The following PDCD2 variants were observed in gnomAD, a reference collection of about 807,000 sequenced individuals.
The protein encoded by PDCD2 is uS5 assembly chaperone PDCD2.
A neutral mutation model predicts 38.1 loss-of-function variants in PDCD2; 38 were observed. That is an observed-to-expected ratio of 1.00 (90% CI 0.77 to 1.31). The LOEUF (loss-of-function observed/expected upper bound fraction) is 1.31, where lower values mean the gene tolerates loss of function less well. PDCD2 is among the 50% of genes most tolerant of loss of function. The pLI is 0.00. For missense variants in PDCD2, 473 were observed against 435.7 expected (o/e 1.09, Z -0.76); for synonymous variants, 205 against 168.9 (o/e 1.21, Z -1.66).
chr6:170,584,225 C>A, intron 1 of PDCD2, 74 bp downstream of exon 1: 1 of 1,298,474 alleles, frequency 7.7e-7, no homozygotes. Flanking sequence ...CGCCGTCCCC[C>A]TGGTCGCTCC....
At chr6:170,579,015 A>T in intron 4 of PDCD2, 45 bp from the exon 5 acceptor site, 1 of 1,209,790 alleles carries the variant, frequency 8.3e-7, no homozygotes, top group Non-Finnish European at 1.2e-6. Context: ...TACCTTACCT[A>T]TAAGTTGCCA....
rs556164047 is a variant in PDCD2 at position 170,577,952 on chromosome 6, TAATG to T, written c.877-239_877-236del. ...GAGAAAGAAGTTCACAAGTGGCTGT[TAATG>T]AATTATTTTCATTACTAATATGCCA... On this transcript the variant is annotated intron_variant, in intron 5 of 5. Coordinates refer to ENST00000541970, the MANE Select transcript of PDCD2 (RefSeq NM_002598.4). Among the ~76,000 whole-genome samples, 39 of 152,370 alleles carry T rather than the reference TAATG, an allele frequency of 2.6e-4. No homozygotes were observed. The South Asian group carries it at 7.7e-3, about 30-fold the overall frequency.
In PDCD2 at chr6:170,576,782, TC is replaced by T. The variant is rs1277645195; in HGVS notation, c.*776del. 2 of 152,252 alleles carry T rather than the reference TC, an allele frequency of 1.3e-5. No individual in the cohort carries two copies. Among genetic ancestry groups the T allele is most frequent in the African/African-American group, 4.8e-5 (2 of 41,454 alleles). The allele number at this position is 152,252 out of a possible 1,614,324, so 9.4% of individuals were successfully genotyped here. ...ATGCTGACACGGAAAGGGAAGACCA[TC>T]GCCTTTTGCCTTTCAGTGTCTCATC... On this transcript the variant is annotated 3_prime_UTR_variant, in exon 6 of 6. Coordinates refer to ENST00000541970, the MANE Select transcript of PDCD2 (RefSeq NM_002598.4).
chr6:170,582,599 A>G (rs1390703706), intron 3 of PDCD2: 1 of 1,278,692 alleles, frequency 7.8e-7, no homozygotes, highest in Non-Finnish European at 9.9e-7. Flanking sequence ...ATAATAAAAT[A>G]AGCCTCTAAG....
intron 3 of PDCD2, chr6:170,582,442 A>T: frequency 2.1e-6 from 3 of 1,435,216 alleles, no homozygotes; most frequent in Non-Finnish European, 1.8e-6. Flanking sequence ...ATATTATGTG[A>T]CCAAAGAAAG....
chr6:170,580,847 C>G (rs543574537), intron 3 of PDCD2, among the ~76,000 whole-genome samples: 1 of 152,170 alleles, frequency 6.6e-6, no homozygotes, highest in Non-Finnish European at 1.5e-5. Flanking sequence ...TAAAATAGAA[C>G]TGATATACCT....
chr6:170,577,931 AAG>A (rs1329130412), intron 5 of PDCD2, among the ~76,000 whole-genome samples: 1 of 152,236 alleles, frequency 6.6e-6, no homozygotes, highest in Non-Finnish European at 1.5e-5. Flanking sequence ...CCATTTGAGA[AAG>A]AAGTTCACAA....
At chr6:170,583,836 AC>A in intron 1 of PDCD2, 89 bp from the exon 2 acceptor site, 1 of 1,025,986 alleles carries the variant, frequency 9.7e-7, no homozygotes, top group Non-Finnish European at 1.4e-6. Context: ...GAAAATAACA[AC>A]AACAAAAAAG....
chr6:170,583,145 T>C lies in PDCD2; in HGVS notation c.570A>G (p.Pro190=), dbSNP rs769941780. 3.1e-6 allele frequency: 5 copies of C among 1,612,802 alleles called. No homozygotes were observed. In the South Asian group the frequency reaches 5.5e-5, roughly 18 times the overall value. ...CTGTTTCTATTACAATTTCAAATTC[T>C]GGAAAAAGGAAGTTGTGGTCTGGAA... ...HIIPDHNFLF[P]EFEIVIETED... Residue 190 remains proline (P), a synonymous_variant, in exon 3 of 6, where the codon CCA becomes CCG. Transcript: ENST00000541970.
chr6:170,579,730 C>G (rs1190003178), intron 4 of PDCD2: 1 of 243,864 alleles, frequency 4.1e-6, no homozygotes, highest in Non-Finnish European at 7.9e-6. Flanking sequence ...TCATTCATCT[C>G]CCATCCCTGA....
In PDCD2 at chr6:170,576,726, C is replaced by A. The variant is rs1269000081; in HGVS notation, c.*833G>T. 1 of 152,214 alleles carries A rather than the reference C, an allele frequency of 6.6e-6. No homozygotes were observed. Among genetic ancestry groups the A allele is most frequent in the Non-Finnish European group, 1.5e-5 (1 of 68,054 alleles). The allele number at this position is 152,214 out of a possible 1,614,324, so 9.4% of individuals were successfully genotyped here. ...CTTATTTTGGCTTACATTCCATAAC[C>A]CTTGTATGTGCGATAGGGAACCTGT... On this transcript the variant is annotated 3_prime_UTR_variant, in exon 6 of 6. Coordinates refer to ENST00000541970, the MANE Select transcript of PDCD2 (RefSeq NM_002598.4).
intron 5 of PDCD2, 68 bp from the exon 6 acceptor site, chr6:170,577,785 G>A: frequency 6.8e-7 from 1 of 1,465,660 alleles, no homozygotes. Context: ...TTCTCAGCCA[G>A]GATGATTATA....
At chr6:170,580,692 G>T (rs1779569876) in intron 3 of PDCD2, among the ~76,000 whole-genome samples, 1 of 152,016 alleles carries the variant, frequency 6.6e-6, no homozygotes, top group South Asian at 2.1e-4. Flanking sequence ...TCCAGCCTGG[G>T]CGACAGAGTG....
chr6:170,580,404 A>G lies in PDCD2; in HGVS notation c.659-299T>C, dbSNP rs143564319. On this transcript the variant is annotated intron_variant, in intron 3 of 5. Transcript: ENST00000541970. Reference sequence around the variant, plus strand: ...ATTAGTATCCTCAGCTGGTAGGCTCACTCACTCAGTCATCAAGTGTTCATT... The same window carrying G: ...ATTAGTATCCTCAGCTGGTAGGCTCGCTCACTCAGTCATCAAGTGTTCATT... Among the ~76,000 whole-genome samples, 10 of 152,272 alleles carry G rather than the reference A, an allele frequency of 6.6e-5. No individual in the cohort carries two copies. The East Asian group carries it at 1.2e-3, about 18-fold the overall frequency.
chr6:170,584,036 A>T (rs1298258287), intron 1 of PDCD2: 2 of 543,642 alleles, frequency 3.7e-6, no homozygotes, highest in East Asian at 3.1e-5. Flanking sequence ...AATTTCTATT[A>T]TCTGAATTAA....
In PDCD2 at chr6:170,579,571, G is replaced by A. The variant is rs573351366; in HGVS notation, c.762+431C>T. On this transcript the variant is annotated intron_variant, in intron 4 of 5. Transcript: ENST00000541970. ...AGTTTAGTTTTCTTTCGTGATTTAC[G>A]TTTATGGTAGGGGAGGTTAAGGAGA... The A allele has an allele frequency of 5.8e-5, 9 of 155,548 alleles. No homozygotes were observed. The South Asian group carries it at 1.2e-3, about 21-fold the overall frequency. The allele number at this position is 155,548 out of a possible 1,614,324, so 9.6% of individuals were successfully genotyped here. A position where few individuals can be genotyped will look rare whatever the true frequency, so the allele number is the denominator to read the frequency against.
rs1310570990 is a variant in PDCD2 at position 170,576,084 on chromosome 6, T to G, written c.*1475A>C. Reference sequence around the variant, plus strand: ...ACTTACTCCAGTAGCCACAGGGCTGTGACACCATAGTTATAGGTGATTTTC... The same window carrying G: ...ACTTACTCCAGTAGCCACAGGGCTGGGACACCATAGTTATAGGTGATTTTC... On this transcript the variant is annotated 3_prime_UTR_variant, in exon 6 of 6. Coordinates refer to ENST00000541970, the MANE Select transcript of PDCD2 (RefSeq NM_002598.4). The G allele has an allele frequency of 1.3e-5, 2 of 152,218 alleles. No homozygotes were observed. The highest frequency in any genetic ancestry group is 2.9e-5 in the Non-Finnish European group (2 of 68,046). The allele number at this position is 152,218 out of a possible 1,614,324, so 9.4% of individuals were successfully genotyped here. A position where few individuals can be genotyped will look rare whatever the true frequency, so the allele number is the denominator to read the frequency against.
chr6:170,581,923 AACTT>A (rs1483182670), intron 3 of PDCD2: 3 of 410,250 alleles, frequency 7.3e-6, no homozygotes, highest in Admixed American at 8.8e-5. Flanking sequence ...TGCTTTTTAA[AACTT>A]ACTTTACTCC....
intron 4 of PDCD2, chr6:170,579,791 C>A: frequency 2.2e-6 from 1 of 452,130 alleles, no homozygotes; most frequent in Non-Finnish European, 4.0e-6. Context: ...AACCTTTAGT[C>A]TTTTAGTAAC....
Sources: gnomAD v4.1 joint callset for allele counts (sites outside exome capture counted in the v4.1 genomes callset) on GRCh38, gnomAD v4.1.1 for gene constraint, MANE v1.5 for transcripts, NCBI Gene and HGNC (gene_info 2026-07-23, HGNC 2026-07-21) for gene names.